Variants in ITPRID1 observed in about 807,000 individuals in gnomAD.
ITPRID1 encodes the protein ITPR interacting domain containing 1.
A neutral mutation model predicts 95.4 loss-of-function variants in ITPRID1; 96 were observed. That is an observed-to-expected ratio of 1.01 (90% CI 0.85 to 1.19). The LOEUF (loss-of-function observed/expected upper bound fraction) is 1.19. Among genes scored for constraint, ITPRID1 ranks in the 50% most tolerant of loss-of-function variants. ITPRID1 has a pLI of 0.00. For synonymous variants in ITPRID1, 510 were observed against 453.6 expected (o/e 1.12, Z -1.58); for missense variants, 1,339 against 1,252.9 (o/e 1.07, Z -1.04).
intron 1 of ITPRID1, among the ~76,000 whole-genome samples, chr7:31,527,944 C>T (rs1783475435): frequency 1.3e-5 from 2 of 152,092 alleles, no homozygotes; most frequent in South Asian, 4.1e-4. Flanking sequence ...AATTACAGTG[C>T]TTTGGTTATG....
At chr7:31,615,756 T>TA in intron 10 of ITPRID1, among the ~76,000 whole-genome samples, 1 of 151,474 alleles carries the variant, frequency 6.6e-6, no homozygotes, top group African/African-American at 2.4e-5. Context: ...AGAATTCTTT[T>TA]TTTTTTTTTT....
intron 1 of ITPRID1, among the ~76,000 whole-genome samples, chr7:31,545,031 C>A (rs1465020907): frequency 1.3e-5 from 2 of 152,030 alleles, no homozygotes; most frequent in African/African-American, 4.8e-5. Flanking sequence ...GTGGGAAAGG[C>A]AGAGATGAAA....
In ITPRID1 at chr7:31,574,681, C is replaced by A. The variant is rs1378797570; in HGVS notation, c.537C>A (p.Asn179Lys). The change falls in exon 8 of 15, where the codon AAC (asparagine) becomes AAA (lysine). Residue 179 changes from asparagine to lysine, a missense_variant. Physicochemically the swap from Asn to Lys is moderately conservative, Grantham distance 94 (BLOSUM62 0). Transcript: ENST00000615280. ...GTGGCTCAGCAGCCAGAGGAATCAA[C>A]ATCCGTGTTTTTCTTGAAGCTCAAA... Reference protein sequence around the residue: ...LGCGSAARGINIRVFLEAQKQ... With the variant: ...LGCGSAARGIKIRVFLEAQKQ... 6.2e-7 allele frequency: 1 copy of A among 1,613,850 alleles called. No homozygotes were observed. The highest frequency in any genetic ancestry group is 1.7e-5 in the Admixed American group (1 of 60,004).
intron 1 of ITPRID1, among the ~76,000 whole-genome samples, chr7:31,520,224 T>C (rs1328242203): frequency 6.6e-6 from 1 of 152,106 alleles, no homozygotes; most frequent in Non-Finnish European, 1.5e-5. Flanking sequence ...TCAAATTATG[T>C]CAAAAAAACA....
intron 10 of ITPRID1, among the ~76,000 whole-genome samples, chr7:31,617,156 GCCATCTTTCAGGAAGA>G: frequency 2.0e-5 from 3 of 152,170 alleles, no homozygotes; most frequent in Non-Finnish European, 4.4e-5. Context: ...TGAAGCATTT[GCCATCTTTCAGGAAGA>G]AAAGCCTGGA....
intron 10 of ITPRID1, among the ~76,000 whole-genome samples, chr7:31,638,642 T>C (rs1789712630): frequency 6.6e-6 from 1 of 152,258 alleles, no homozygotes; most frequent in African/African-American, 2.4e-5. Context: ...GTCTTCTTAC[T>C]TGGATTATTT....
At chr7:31,529,178 T>G (rs1215233966) in intron 1 of ITPRID1, among the ~76,000 whole-genome samples, 1 of 152,198 alleles carries the variant, frequency 6.6e-6, no homozygotes, top group Non-Finnish European at 1.5e-5. Flanking sequence ...GTGTATGTTT[T>G]GCTCCCTCTG....
chr7:31,616,789 T>TTTCA (rs147047416), intron 10 of ITPRID1, among the ~76,000 whole-genome samples: 24,185 of 151,936 alleles, frequency 0.16, 2,376 homozygotes, highest in African/African-American at 0.27. Context: ...GGTTTCTAAA[T>TTTCA]TTCATTTTTT....
At chr7:31,515,962 G>A (rs1175872521) in intron 1 of ITPRID1, among the ~76,000 whole-genome samples, 1 of 152,118 alleles carries the variant, frequency 6.6e-6, no homozygotes, top group African/African-American at 2.4e-5. Context: ...GAAGAAACAG[G>A]CTAGATATTT....
intron 1 of ITPRID1, among the ~76,000 whole-genome samples, chr7:31,520,544 T>C (rs867293057): frequency 1.4e-5 from 1 of 73,136 alleles, no homozygotes; most frequent in Non-Finnish European, 2.6e-5. Context: ...TGTGTGTGTG[T>C]GTGTGTGTGT....
chr7:31,655,402 C>T lies in ITPRID1; in HGVS notation c.*2573C>T, dbSNP rs1484194181. ...ACCTGGCGACAGTGCAACATAGGTG[C>T]TTCCTAACTGCCTCCAGCCACCTTC... On this transcript the variant is annotated 3_prime_UTR_variant, in exon 15 of 15. Transcript: ENST00000615280. Among the ~76,000 whole-genome samples, 1 of 152,198 alleles carries T rather than the reference C, an allele frequency of 6.6e-6. No individual in the cohort carries two copies. The highest frequency in any genetic ancestry group is 2.4e-5 in the African/African-American group (1 of 41,450).
At chr7:31,568,819 T>A (rs185586511) in intron 5 of ITPRID1, among the ~76,000 whole-genome samples, 2 of 152,316 alleles carry the variant, frequency 1.3e-5, no homozygotes, top group Admixed American at 6.5e-5. Flanking sequence ...CCTCTTTCTG[T>A]CTTTCAAATA....
intron 10 of ITPRID1, among the ~76,000 whole-genome samples, chr7:31,625,827 T>TA (rs199736401): frequency 0.11 from 15,705 of 147,992 alleles, 927 homozygotes; most frequent in Middle Eastern, 0.17. Context: ...GTCTTTTTTT[T>TA]TAAATTTTTT....
intron 10 of ITPRID1, among the ~76,000 whole-genome samples, chr7:31,585,291 G>A (rs1172424855): frequency 6.6e-6 from 1 of 152,132 alleles, no homozygotes; most frequent in African/African-American, 2.4e-5. Flanking sequence ...AGACTGTATT[G>A]CCTCTGCTCA....
rs549056966 is a variant in ITPRID1 at position 31,643,840 on chromosome 7, C to A, written c.2470C>A (p.Pro824Thr). 6.2e-6 allele frequency: 10 copies of A among 1,613,932 alleles called. No homozygotes were observed. In the South Asian group the frequency reaches 1.1e-4, roughly 18 times the overall value. ...CCACGGGGAGAGGCAAAGCCCTGGC[C>A]CTGAACCCTCAGTCTGTAGGCACTG... is the stretch of plus-strand genomic sequence containing the variant. ...HCHGERQSPG[P>T]EPSVCRHCLC... The change falls in exon 12 of 15, where the codon CCT becomes ACT. Residue 824 changes from proline to threonine, a missense_variant. By Grantham distance (38) the Pro-to-Thr change is conservative. Transcript: ENST00000615280.
intron 3 of ITPRID1, among the ~76,000 whole-genome samples, chr7:31,553,478 G>A (rs771892009): frequency 4.6e-5 from 7 of 152,162 alleles, no homozygotes; most frequent in Non-Finnish European, 8.8e-5. Flanking sequence ...GAAGCTGTGT[G>A]GGGTCTGGGC....
chr7:31,657,092 T>C (rs570316722), downstream of ITPRID1, among the ~76,000 whole-genome samples: 51 of 5,104 alleles, frequency 1.0e-2, no homozygotes, highest in African/African-American at 0.034. Flanking sequence ...ATTTTATATA[T>C]GATATATATA....
chr7:31,592,122 G>T (rs10259423), intron 10 of ITPRID1, among the ~76,000 whole-genome samples: 2 of 152,048 alleles, frequency 1.3e-5, no homozygotes, highest in African/African-American at 2.4e-5. Flanking sequence ...CTTTTTATGC[G>T]TAAGGGCAGT....
chr7:31,619,227 G>C (rs1280340090), intron 10 of ITPRID1, among the ~76,000 whole-genome samples: 3 of 152,030 alleles, frequency 2.0e-5, no homozygotes, highest in Non-Finnish European at 4.4e-5. Flanking sequence ...TCACATTTTT[G>C]TCATAGTAAA....
Sources: gnomAD v4.1 joint callset for allele counts (sites outside exome capture counted in the v4.1 genomes callset) on GRCh38, gnomAD v4.1.1 for gene constraint, MANE v1.5 for transcripts, NCBI Gene and HGNC (gene_info 2026-07-23, HGNC 2026-07-21) for gene names.